Variants in CPQ observed in about 807,000 individuals in gnomAD.
CPQ encodes carboxypeptidase Q.
In CPQ, 37 loss-of-function variants were observed where a neutral mutation model predicts 45.7. That is an observed-to-expected ratio of 0.81 (90% confidence interval 0.62 to 1.07). The LOEUF is 1.07. Ranked by LOEUF, CPQ falls within the 50% of genes least tolerant of loss-of-function variation. CPQ has a pLI of 0.00. For synonymous variants in CPQ, 186 were observed against 205.8 expected (o/e 0.90, Z 0.82); for missense variants, 537 against 572.9 (o/e 0.94, Z 0.64).
chr8:96,956,850 C>T (rs758293783), intron 4 of CPQ, among the ~76,000 whole-genome samples: 6 of 152,126 alleles, frequency 3.9e-5, no homozygotes, highest in Non-Finnish European at 7.4e-5. Context: ...TTATTAACTG[C>T]GATGACCGGG....
chr8:96,777,659 G>A (rs1810622820), intron 1 of CPQ, among the ~76,000 whole-genome samples: 2 of 137,644 alleles, frequency 1.5e-5, no homozygotes, highest in Admixed American at 1.5e-4. Flanking sequence ...ATCATCCTTT[G>A]AACTGACTCC....
At chr8:97,060,925 T>C (rs2130520559) in intron 6 of CPQ, among the ~76,000 whole-genome samples, 1 of 152,300 alleles carries the variant, frequency 6.6e-6, no homozygotes, top group South Asian at 2.1e-4. Context: ...GCAGAGACAT[T>C]GTCCCAACTC....
chr8:96,836,970 T>C (rs1027586229), intron 3 of CPQ, among the ~76,000 whole-genome samples: 4 of 152,166 alleles, frequency 2.6e-5, no homozygotes, highest in African/African-American at 9.7e-5. Context: ...TTAACTTGTA[T>C]AATTCTATTC....
At chr8:96,894,884 A>G (rs1164453278) in intron 4 of CPQ, among the ~76,000 whole-genome samples, 1 of 152,214 alleles carries the variant, frequency 6.6e-6, no homozygotes, top group African/African-American at 2.4e-5. Flanking sequence ...CACTGCACCA[A>G]TTCTGTTACA....
At chr8:96,831,493 G>A (rs1811460586) in intron 2 of CPQ, among the ~76,000 whole-genome samples, 1 of 152,106 alleles carries the variant, frequency 6.6e-6, no homozygotes, top group African/African-American at 2.4e-5. Flanking sequence ...ATGGGAAGAA[G>A]GGAGATGAGA....
At chr8:96,767,483 C>T (rs1173992067) in intron 1 of CPQ, among the ~76,000 whole-genome samples, 1 of 74,954 alleles carries the variant, frequency 1.3e-5, no homozygotes, top group Non-Finnish European at 2.5e-5. Context: ...GGCACTTGGG[C>T]TCCAAGTATC....
intron 1 of CPQ, among the ~76,000 whole-genome samples, chr8:96,681,313 G>T (rs1416151836): frequency 1.3e-5 from 2 of 152,150 alleles, no homozygotes; most frequent in African/African-American, 2.4e-5. Context: ...CCTCTGCTCT[G>T]TGCAGCCTAG....
At chr8:96,660,282 G>T (rs555197068) in intron 1 of CPQ, among the ~76,000 whole-genome samples, 1 of 151,850 alleles carries the variant, frequency 6.6e-6, no homozygotes, top group African/African-American at 2.4e-5. Context: ...TCTTCTCTCT[G>T]TGCATGCACA....
intron 4 of CPQ, among the ~76,000 whole-genome samples, chr8:96,907,518 C>T (rs112864652): frequency 0.015 from 2,320 of 152,214 alleles, 38 homozygotes; most frequent in Middle Eastern, 0.027. Context: ...TGTTGAAGAA[C>T]GGGAGAATGG....
intron 7 of CPQ, among the ~76,000 whole-genome samples, chr8:97,089,082 A>C (rs1053996063): frequency 3.9e-5 from 6 of 152,056 alleles, no homozygotes; most frequent in Non-Finnish European, 5.9e-5. Flanking sequence ...CATCTCTACC[A>C]AAAATACAAA....
At chr8:96,946,540 G>A (rs973612256) in intron 4 of CPQ, among the ~76,000 whole-genome samples, 6 of 151,724 alleles carry the variant, frequency 4.0e-5, no homozygotes, top group Non-Finnish European at 7.4e-5. Flanking sequence ...ATGCTGGTGC[G>A]CTGCACCCAC....
chr8:96,683,570 C>CT, intron 1 of CPQ, among the ~76,000 whole-genome samples: 1 of 152,010 alleles, frequency 6.6e-6, no homozygotes. Flanking sequence ...AAATCTCTTG[C>CT]AAGATTTGGG....
chr8:97,100,711 G>T (rs1811289717), intron 7 of CPQ, among the ~76,000 whole-genome samples: 1 of 151,990 alleles, frequency 6.6e-6, no homozygotes, highest in Admixed American at 6.6e-5. Context: ...TTTAAAACAT[G>T]GTATTATCAT....
At chr8:96,833,494 A>T (rs942879415) in intron 2 of CPQ, among the ~76,000 whole-genome samples, 1 of 152,114 alleles carries the variant, frequency 6.6e-6, no homozygotes, top group African/African-American at 2.4e-5. Context: ...CGAACCTGTT[A>T]TTCATTAGGA....
At chr8:96,805,944 G>A (rs1379826133) in intron 2 of CPQ, among the ~76,000 whole-genome samples, 1 of 152,120 alleles carries the variant, frequency 6.6e-6, no homozygotes, top group African/African-American at 2.4e-5. Context: ...CTTCTGGGTG[G>A]TTCTAGAGTC....
chr8:96,901,057 G>A (rs1168287210), intron 4 of CPQ, among the ~76,000 whole-genome samples: 1 of 152,090 alleles, frequency 6.6e-6, no homozygotes, highest in East Asian at 1.9e-4. Context: ...TTTAGCCCAG[G>A]TTCTGGGAAT....
chr8:96,750,852 A>T (rs1193230153), intron 1 of CPQ, among the ~76,000 whole-genome samples: 1 of 152,014 alleles, frequency 6.6e-6, no homozygotes, highest in East Asian at 1.9e-4. Flanking sequence ...TGCTCTCATC[A>T]TTCAGCTCCC....
At chr8:97,045,657 T>C (rs1810240989) in intron 6 of CPQ, among the ~76,000 whole-genome samples, 1 of 152,170 alleles carries the variant, frequency 6.6e-6, no homozygotes, top group Non-Finnish European at 1.5e-5. Flanking sequence ...TAAACCTGAA[T>C]TATTTTCTGG....
chr8:96,918,038 G>T (rs1812755005), intron 4 of CPQ, among the ~76,000 whole-genome samples: 1 of 152,076 alleles, frequency 6.6e-6, no homozygotes, highest in Non-Finnish European at 1.5e-5. Flanking sequence ...CAGTGACGTT[G>T]TTTCATACTG....
Sources: gnomAD v4.1 joint callset for allele counts (sites outside exome capture counted in the v4.1 genomes callset) on GRCh38, gnomAD v4.1.1 for gene constraint, MANE v1.5 for transcripts, NCBI Gene and HGNC (gene_info 2026-07-23, HGNC 2026-07-21) for gene names.